The following CCDC169 variants were observed in gnomAD, a reference collection of about 807,000 sequenced individuals.
CCDC169 encodes coiled-coil domain containing 169.
A neutral mutation model predicts 36.0 loss-of-function variants in CCDC169; 30 were observed. The observed-to-expected ratio is 0.83, with a 90% CI of 0.62 to 1.13. CCDC169 has a LOEUF of 1.13. Among genes scored for constraint, CCDC169 ranks in the 50% most tolerant of loss-of-function variants. The pLI is 0.00. For missense variants in CCDC169, 245 were observed against 245.9 expected (o/e 1.00, Z 0.03); for synonymous variants, 85 against 81.5 (o/e 1.04, Z -0.23).
intron 7 of CCDC169, chr13:36,244,378 A>T (rs1468552830): frequency 6.6e-6 from 1 of 152,240 alleles, no homozygotes; most frequent in African/African-American, 2.4e-5. Context: ...AGCCTATGTG[A>T]TCTGCTCCCA....
At chr13:36,263,491 C>T (rs1179377305) in intron 4 of CCDC169, among the ~76,000 whole-genome samples, 2 of 152,142 alleles carry the variant, frequency 1.3e-5, no homozygotes, top group Admixed American at 6.5e-5. Context: ...CTTCTCTAAA[C>T]ACTTTATTCT....
rs1871763472 is a variant in CCDC169 at position 36,241,056 on chromosome 13, CTATA to C, written c.545+7546_545+7549del. 2.6e-5 allele frequency among the ~76,000 whole-genome samples: 4 copies of C among 152,032 alleles called. No individual in the cohort carries two copies. The South Asian group carries it at 8.3e-4, about 32-fold the overall frequency. On this transcript the variant is annotated intron_variant, in intron 7 of 7. Coordinates refer to ENST00000239859, the MANE Select transcript of CCDC169 (RefSeq NM_001144981.3). ...ATAGCTAATATTAAATCTACATAGT[CTATA>C]TAGTAGGACTATAATAGTTAATATT...
Position 36,230,782 on chromosome 13 carries a change from G to C in CCDC169, c.*411C>G. 3 of 987,388 alleles carry C rather than the reference G, an allele frequency of 3.0e-6. No individual in the cohort carries two copies. Among genetic ancestry groups the C allele is most frequent in the Non-Finnish European group, 3.6e-6 (3 of 831,432 alleles). 61.2% of individuals were successfully genotyped at this position (987,388 alleles called of 1,614,324 possible). A position where few individuals can be genotyped will look rare whatever the true frequency, so the allele number is the denominator to read the frequency against. On this transcript the variant is annotated 3_prime_UTR_variant, in exon 8 of 8. Transcript: ENST00000239859. ...TAAAATGGACTTGATTTTCGGCTTT[G>C]TTTAAACCTGCAATTTAAAAAACTG...
intron 7 of CCDC169, among the ~76,000 whole-genome samples, chr13:36,234,723 C>T (rs1481545848): frequency 2.0e-5 from 3 of 151,958 alleles, no homozygotes; most frequent in Non-Finnish European, 4.4e-5. Flanking sequence ...ATTCTATATG[C>T]AACAAAACTA....
chr13:36,233,219 C>A (rs928671624), intron 7 of CCDC169, among the ~76,000 whole-genome samples: 9 of 124,144 alleles, frequency 7.2e-5, no homozygotes, highest in Non-Finnish European at 9.6e-5. Flanking sequence ...TAAGCTAACT[C>A]AGCAGAGACT....
intron 3 of CCDC169, 22 bp downstream of exon 3, chr13:36,283,570 G>A: frequency 6.4e-7 from 1 of 1,551,002 alleles, no homozygotes; most frequent in Non-Finnish European, 8.7e-7. Context: ...ATTATAAAAT[G>A]TACATATGAT....
At chr13:36,273,665 A>T (rs1248744318) in intron 4 of CCDC169, among the ~76,000 whole-genome samples, 2 of 152,234 alleles carry the variant, frequency 1.3e-5, no homozygotes, top group Admixed American at 1.3e-4. Context: ...AAAATAGATC[A>T]CATTTGAGAT....
At chr13:36,264,173 CA>C (rs780697411) in intron 4 of CCDC169, among the ~76,000 whole-genome samples, 5 of 151,656 alleles carry the variant, frequency 3.3e-5, no homozygotes, top group African/African-American at 4.8e-5. Flanking sequence ...AATTCATACC[CA>C]AAAAAAGTAC....
chr13:36,273,228 T>G (rs1225611360), intron 4 of CCDC169, among the ~76,000 whole-genome samples: 1 of 152,230 alleles, frequency 6.6e-6, no homozygotes, highest in Non-Finnish European at 1.5e-5. Flanking sequence ...GTGCCTATTC[T>G]TAACATTTTC....
At chr13:36,277,072 A>G (rs1369826726) in intron 4 of CCDC169, among the ~76,000 whole-genome samples, 1 of 152,224 alleles carries the variant, frequency 6.6e-6, no homozygotes, top group Non-Finnish European at 1.5e-5. Context: ...CCAAATGCCC[A>G]TCAATGATAG....
chr13:36,248,810 A>C, intron 6 of CCDC169, 128 bp from the exon 7 acceptor site: 1 of 794,412 alleles, frequency 1.3e-6, no homozygotes, highest in Non-Finnish European at 2.0e-6. Context: ...AGAGAAGCTG[A>C]GAAAAATGGG....
At chr13:36,279,296 C>T (rs1877222324) in intron 4 of CCDC169, among the ~76,000 whole-genome samples, 1 of 152,142 alleles carries the variant, frequency 6.6e-6, no homozygotes, top group South Asian at 2.1e-4. Context: ...CACTCCCTAC[C>T]ATGAATACCA....
downstream of CCDC169, chr13:36,227,129 T>TG (rs1170560802): frequency 6.1e-5 from 60 of 979,038 alleles, no homozygotes; most frequent in Non-Finnish European, 8.2e-5. Flanking sequence ...TACAATTTCC[T>TG]GGGGGAGGCT....
At chr13:36,294,357 T>A (rs2138659194) in intron 2 of CCDC169, among the ~76,000 whole-genome samples, 1 of 152,314 alleles carries the variant, frequency 6.6e-6, no homozygotes, top group South Asian at 2.1e-4. Flanking sequence ...CCAACGCAGC[T>A]ACTTGATAAG....
At chr13:36,273,730 A>T (rs890061346) in intron 4 of CCDC169, among the ~76,000 whole-genome samples, 5 of 152,226 alleles carry the variant, frequency 3.3e-5, no homozygotes, top group African/African-American at 1.2e-4. Context: ...GTTTTTATTT[A>T]AAATTTTTTT....
chr13:36,271,556 A>G (rs1174781152), intron 4 of CCDC169, among the ~76,000 whole-genome samples: 2 of 152,222 alleles, frequency 1.3e-5, no homozygotes, highest in Admixed American at 6.5e-5. Flanking sequence ...TTATATATAC[A>G]CCATGGAATA....
At chr13:36,280,538 T>G (rs1055650467) in intron 4 of CCDC169, 3 of 152,340 alleles carry the variant, frequency 2.0e-5, no homozygotes. Flanking sequence ...ATTACCCCAA[T>G]TAGCATAGGA....
chr13:36,248,831 C>T (rs1594018618), intron 6 of CCDC169, 149 bp from the exon 7 acceptor site: 4 of 672,578 alleles, frequency 5.9e-6, no homozygotes, highest in Non-Finnish European at 7.5e-6. Flanking sequence ...AAATTCTGGC[C>T]TTCTCCATTA....
chr13:36,288,524 C>T (rs1249465652), intron 2 of CCDC169, among the ~76,000 whole-genome samples: 1 of 152,058 alleles, frequency 6.6e-6, no homozygotes, highest in Admixed American at 6.6e-5. Context: ...ATTTCTGGGA[C>T]ATTTCCAATT....
Sources: allele counts gnomAD v4.1 joint callset (sites outside exome capture counted in the v4.1 genomes callset), GRCh38; gene constraint gnomAD v4.1.1; transcripts MANE v1.5; gene names NCBI Gene and HGNC (gene_info 2026-07-23, HGNC 2026-07-21).